The following DMD variants were observed in gnomAD, a reference collection of about 807,000 sequenced individuals.
DMD encodes the protein dystrophin.
A neutral mutation model predicts 330.1 loss-of-function variants in DMD; 63 were observed. That is an observed-to-expected ratio of 0.19 (90% CI 0.16 to 0.24). The LOEUF is 0.24. Ranked by LOEUF, DMD falls within the 10% of genes least tolerant of loss-of-function variation. The pLI, the probability that DMD is intolerant of heterozygous loss-of-function variation, is 1.00. For synonymous variants in DMD, 1,223 were observed against 959.8 expected (o/e 1.27, Z -5.07); for missense variants, 3,344 against 2,684.1 (o/e 1.25, Z -5.43).
intron 2 of DMD, among the ~76,000 whole-genome samples, chrX:32,895,600 G>A (rs1024592842): frequency 9.0e-6 from 1 of 111,274 alleles, no homozygotes; most frequent in African/African-American, 3.3e-5. Context: ...GGCACCAGCT[G>A]GTCAGACACT....
chrX:31,993,789 G>A (rs1462343490), intron 44 of DMD, among the ~76,000 whole-genome samples: 1 of 112,050 alleles, frequency 8.9e-6, no homozygotes, highest in Non-Finnish European at 1.9e-5. Context: ...TCTCAAAAGT[G>A]TTTACATACT....
chrX:32,114,324 C>G (rs1352003944), intron 44 of DMD, among the ~76,000 whole-genome samples: 2 of 111,250 alleles, frequency 1.8e-5, no homozygotes, highest in African/African-American at 6.5e-5. Context: ...TGCCTCAACT[C>G]TCTCTCTCCC....
intron 1 of DMD, among the ~76,000 whole-genome samples, chrX:33,323,932 T>G (rs868717190): frequency 9.0e-6 from 1 of 111,416 alleles, no homozygotes; most frequent in Non-Finnish European, 1.9e-5. Context: ...CCCAGAATGG[T>G]AATGACTGTT....
At chrX:33,259,776 A>T (rs2052924714) in intron 1 of DMD, among the ~76,000 whole-genome samples, 1 of 109,791 alleles carries the variant, frequency 9.1e-6, no homozygotes, top group Non-Finnish European at 1.9e-5. Context: ...TAGTTTTGCC[A>T]TTTCTAGAAT....
At chrX:32,620,266 T>C (rs2057892111) in intron 11 of DMD, among the ~76,000 whole-genome samples, 1 of 112,005 alleles carries the variant, frequency 8.9e-6, no homozygotes, top group African/African-American at 3.2e-5. Context: ...CTGTATGTAA[T>C]GTTACATACC....
chrX:33,097,227 C>T (rs769914283), intron 1 of DMD, among the ~76,000 whole-genome samples: 19 of 109,868 alleles, frequency 1.7e-4, no homozygotes, highest in African/African-American at 5.9e-4. Flanking sequence ...CCTTTAAAAA[C>T]TTTCCTTAAA....
At chrX:32,570,205 C>T (rs2052246986) in intron 15 of DMD, among the ~76,000 whole-genome samples, 1 of 111,076 alleles carries the variant, frequency 9.0e-6, no homozygotes, top group Non-Finnish European at 1.9e-5. Flanking sequence ...GTATCTATAC[C>T]TAGACATGTA....
At chrX:31,382,134 G>C (rs924973882) in intron 60 of DMD, among the ~76,000 whole-genome samples, 2 of 111,126 alleles carry the variant, frequency 1.8e-5, no homozygotes, top group African/African-American at 6.5e-5. Flanking sequence ...TTAGTATTCA[G>C]TGAACTAATG....
At chrX:32,335,517 G>GTTATATATAAAACATGTTATATATAACA (rs1479642630) in intron 41 of DMD, among the ~76,000 whole-genome samples, 5 of 31,965 alleles carry the variant, frequency 1.6e-4, no homozygotes, top group Non-Finnish European at 4.6e-4. Flanking sequence ...TATAACATGT[G>GTTATATATAAAACATGTTATATATAACA]TATGTTATAT....
chrX:33,251,011 A>G (rs184290742), intron 1 of DMD, among the ~76,000 whole-genome samples: 106 of 111,136 alleles, frequency 9.5e-4, no homozygotes, highest in African/African-American at 3.2e-3. Flanking sequence ...CTAATTAGCA[A>G]TGGTAAAGAT....
chrX:32,838,244 T>A (rs1237805096), intron 4 of DMD, among the ~76,000 whole-genome samples: 20 of 111,928 alleles, frequency 1.8e-4, no homozygotes, highest in Non-Finnish European at 3.0e-4. Context: ...TCATTTTGTC[T>A]GATTTTTCCT....
chrX:32,157,981 T>G (rs114402590), intron 44 of DMD, among the ~76,000 whole-genome samples: 168 of 112,076 alleles, frequency 1.5e-3, no homozygotes, highest in African/African-American at 5.2e-3. Context: ...CCTTCCAAAG[T>G]GTATAATATT....
At chrX:32,681,319 A>G (rs1012624688) in intron 9 of DMD, among the ~76,000 whole-genome samples, 21 of 111,748 alleles carry the variant, frequency 1.9e-4, no homozygotes, top group African/African-American at 6.2e-4. Context: ...TCATCACGCT[A>G]GTAATAAGCC....
At chrX:31,871,739 C>T (rs2093894701) in intron 48 of DMD, among the ~76,000 whole-genome samples, 1 of 107,424 alleles carries the variant, frequency 9.3e-6, no homozygotes, top group Non-Finnish European at 1.9e-5. Context: ...AAAAAAAGGG[C>T]ATGTGCTCAA....
At chrX:32,252,823 A>AAT (rs1212336405) in intron 43 of DMD, among the ~76,000 whole-genome samples, 1 of 55,993 alleles carries the variant, frequency 1.8e-5, no homozygotes, top group African/African-American at 9.5e-5. Context: ...TAAGTATATA[A>AAT]ATATATATAA....
chrX:32,632,897 T>C (rs28851911), intron 11 of DMD, among the ~76,000 whole-genome samples: 11,285 of 112,106 alleles, frequency 0.1, 1,436 homozygotes, highest in African/African-American at 0.35. Context: ...TTTTTCCCCA[T>C]TGTCTTGGCT....
chrX:31,138,686 A>AGGGAGAGAGAGGGT (rs3082164), intron 76 of DMD, among the ~76,000 whole-genome samples: 1 of 87,470 alleles, frequency 1.1e-5, no homozygotes, highest in East Asian at 3.9e-4. Context: ...AGAGAGAGAG[A>AGGGAGAGAGAGGGT]GAAGGGGGAA....
At chrX:32,743,944 C>T (rs2069642842) in intron 7 of DMD, among the ~76,000 whole-genome samples, 1 of 111,110 alleles carries the variant, frequency 9.0e-6, no homozygotes, top group Admixed American at 9.7e-5. Flanking sequence ...AAATATATAC[C>T]TAAAATATTT....
intron 63 of DMD, among the ~76,000 whole-genome samples, chrX:31,260,501 G>T (rs1377555973): frequency 9.0e-6 from 1 of 111,551 alleles, no homozygotes; most frequent in South Asian, 3.8e-4. Context: ...TTAATGACCC[G>T]CCAGGCCTTA....
Sources: gnomAD v4.1 joint callset for allele counts (sites outside exome capture counted in the v4.1 genomes callset) on GRCh38, gnomAD v4.1.1 for gene constraint, MANE v1.5 for transcripts, NCBI Gene and HGNC (gene_info 2026-07-23, HGNC 2026-07-21) for gene names.